Variants in FOXN3 observed in about 807,000 individuals in gnomAD.
FOXN3 encodes forkhead box N3.
FOXN3 carries 7 observed loss-of-function variants against 38.4 expected under a neutral mutation model. That is an observed-to-expected ratio of 0.18 (90% CI 0.10 to 0.34). FOXN3 has a LOEUF of 0.34. Among genes scored for constraint, FOXN3 ranks in the 10% least tolerant of loss-of-function variants. The pLI, the probability that FOXN3 is intolerant of heterozygous loss-of-function variation, is 1.00. For synonymous variants in FOXN3, 230 were observed against 242.2 expected (o/e 0.95, Z 0.47); for missense variants, 456 against 613.4 (o/e 0.74, Z 2.71).
chr14:89,567,661 G>T (rs1459243412), intron 1 of FOXN3, among the ~76,000 whole-genome samples: 1 of 150,982 alleles, frequency 6.6e-6, no homozygotes, highest in Non-Finnish European at 1.5e-5. Context: ...CAAGGACAAG[G>T]AAGGTTACAG....
chr14:89,415,320 A>T (rs2140100067), intron 1 of FOXN3, among the ~76,000 whole-genome samples: 1 of 152,264 alleles, frequency 6.6e-6, no homozygotes, highest in South Asian at 2.1e-4. Context: ...TAATTTGCTT[A>T]TTTGTCAGTA....
chr14:89,451,513 T>C (rs919961569), intron 1 of FOXN3, among the ~76,000 whole-genome samples: 7 of 152,168 alleles, frequency 4.6e-5, no homozygotes, highest in African/African-American at 1.7e-4. Context: ...GGCCTTTAGA[T>C]TGATATAATT....
intron 4 of FOXN3, among the ~76,000 whole-genome samples, chr14:89,208,507 C>G (rs1415856344): frequency 6.6e-6 from 1 of 152,210 alleles, no homozygotes; most frequent in East Asian, 1.9e-4. Flanking sequence ...AGATCAATTT[C>G]TGATCATTTT....
At chr14:89,459,900 C>T (rs1022705914) in intron 1 of FOXN3, among the ~76,000 whole-genome samples, 3 of 151,994 alleles carry the variant, frequency 2.0e-5, no homozygotes, top group Admixed American at 2.0e-4. Flanking sequence ...TACATATGTG[C>T]GTGGGATGAT....
intron 4 of FOXN3, among the ~76,000 whole-genome samples, chr14:89,191,383 C>T (rs1395781983): frequency 1.3e-5 from 2 of 152,190 alleles, no homozygotes; most frequent in Non-Finnish European, 2.9e-5. Flanking sequence ...TGCCGCGTGA[C>T]AGAAGCTGCC....
chr14:89,536,130 G>A (rs948887289), intron 1 of FOXN3, among the ~76,000 whole-genome samples: 1 of 152,180 alleles, frequency 6.6e-6, no homozygotes, highest in African/African-American at 2.4e-5. Context: ...AGATGTTTTA[G>A]GTGAGGAATG....
intron 2 of FOXN3, among the ~76,000 whole-genome samples, chr14:89,410,530 T>C (rs961413962): frequency 7.9e-5 from 12 of 152,350 alleles, no homozygotes; most frequent in African/African-American, 2.9e-4. Flanking sequence ...AATTTTGTTT[T>C]CCACTTCTTA....
intron 4 of FOXN3, among the ~76,000 whole-genome samples, chr14:89,200,322 G>T (rs543962502): frequency 3.9e-5 from 6 of 152,154 alleles, no homozygotes; most frequent in Non-Finnish European, 1.5e-5. Context: ...TTTCTAACTC[G>T]TGTAAATTGC....
intron 1 of FOXN3, among the ~76,000 whole-genome samples, chr14:89,600,426 A>G (rs1896133320): frequency 6.6e-6 from 1 of 152,216 alleles, no homozygotes; most frequent in African/African-American, 2.4e-5. Context: ...CTGATGCCCC[A>G]TGGAAATTCC....
At chr14:89,585,005 C>T (rs941034871) in intron 1 of FOXN3, among the ~76,000 whole-genome samples, 6 of 152,306 alleles carry the variant, frequency 3.9e-5, no homozygotes, top group South Asian at 2.1e-4. Context: ...CGTGAGCCAC[C>T]GTGCCCGGCA....
In FOXN3 at chr14:89,335,244, C is replaced by A. The variant is rs553520035; in HGVS notation, c.680+15428G>T. ...CAATTTTTATTCATCAATTATATTT[C>A]AATAAAGCTGGGGGCACAGAAGGAC... On this transcript the variant is annotated intron_variant, in intron 3 of 5. Transcript: ENST00000557258. 6.7e-4 allele frequency among the ~76,000 whole-genome samples: 102 copies of A among 152,146 alleles called. 1 individual carries two copies. Among genetic ancestry groups the A allele is most frequent in the Non-Finnish European group, 1.3e-3 (90 of 68,020 alleles).
chr14:89,502,251 A>G (rs1893817646), intron 1 of FOXN3, among the ~76,000 whole-genome samples: 1 of 152,236 alleles, frequency 6.6e-6, no homozygotes, highest in Non-Finnish European at 1.5e-5. Flanking sequence ...ATGCATGGAA[A>G]TGACAGGCAC....
intron 4 of FOXN3, among the ~76,000 whole-genome samples, chr14:89,239,858 A>T (rs1351509623): frequency 6.6e-6 from 1 of 152,190 alleles, no homozygotes; most frequent in Non-Finnish European, 1.5e-5. Context: ...CTATTTTCTA[A>T]ATGAGGAGAC....
At position 89,548,726 on chromosome 14, in the gene FOXN3, T is replaced by A. The variant is rs556553724; in HGVS notation, c.-15+70302A>T. Among the ~76,000 whole-genome samples, 1 of 152,358 alleles carries A rather than the reference T, an allele frequency of 6.6e-6. No individual in the cohort carries two copies. The highest frequency in any genetic ancestry group is 2.1e-4 in the South Asian group (1 of 4,826). ...ATATATGCCTATATATTACAAGATC[T>A]AGGTAGCCTAACACAATTGTTTTCA... On this transcript the variant is annotated intron_variant, in intron 1 of 6. Coordinates refer to the FOXN3 transcript ENST00000345097. This position sits in a 1 kb window ranked among gnomAD's most constrained non-coding sequence, Gnocchi z 4.8.
chr14:89,463,945 C>G (rs1892915791), intron 1 of FOXN3, among the ~76,000 whole-genome samples: 2 of 151,440 alleles, frequency 1.3e-5, no homozygotes, highest in South Asian at 4.1e-4. Context: ...CCACCACACC[C>G]AGTGAATTTT....
chr14:89,257,953 G>A (rs1471303262), intron 4 of FOXN3, among the ~76,000 whole-genome samples: 1 of 152,142 alleles, frequency 6.6e-6, no homozygotes, highest in Non-Finnish European at 1.5e-5. Flanking sequence ...TTTTACCAAG[G>A]CTTGAGGATG....
intron 1 of FOXN3, among the ~76,000 whole-genome samples, chr14:89,435,982 C>T (rs146596616): frequency 6.6e-6 from 1 of 151,078 alleles, no homozygotes; most frequent in Non-Finnish European, 1.5e-5. Flanking sequence ...GCTCCTCCCT[C>T]ACATCCTTCA....
chr14:89,440,478 C>T (rs1338455215), intron 1 of FOXN3, among the ~76,000 whole-genome samples: 1 of 152,192 alleles, frequency 6.6e-6, no homozygotes, highest in Non-Finnish European at 1.5e-5. Flanking sequence ...CCCTGCCCCA[C>T]CTTAACTGAT....
rs116575425 is a variant in FOXN3, at chr14:89,212,439, T to C, written c.746-31633A>G. 4.6e-3 allele frequency among the ~76,000 whole-genome samples: 704 copies of C among 152,254 alleles called. 4 individuals are homozygous for C. The highest frequency in any genetic ancestry group is 0.016 in the African/African-American group (680 of 41,528). ...GTGAGGCCCCCTTTGGCTGTGTGAGTGGCCTGCAATGCTGCAGAAAGGCTG... is the reference window on the plus strand; with the variant it reads ...GTGAGGCCCCCTTTGGCTGTGTGAGCGGCCTGCAATGCTGCAGAAAGGCTG... On this transcript the variant is annotated intron_variant, in intron 4 of 5. Transcript: ENST00000557258.
Sources: allele counts gnomAD v4.1 joint callset (sites outside exome capture counted in the v4.1 genomes callset), GRCh38; gene constraint gnomAD v4.1.1; non-coding constraint Gnocchi (gnomAD v3.1); transcripts MANE v1.5; gene names NCBI Gene and HGNC (gene_info 2026-07-23, HGNC 2026-07-21).